PIK3CB: variants seen among roughly 807,000 people sequenced by gnomAD.
PIK3CB encodes phosphatidylinositol 4,5-bisphosphate 3-kinase catalytic subunit beta isoform.
In PIK3CB, 39 loss-of-function variants were observed where a neutral mutation model predicts 136.8. The ratio of observed to expected loss-of-function variants is 0.29; its 90% CI spans 0.22 to 0.37. The LOEUF is 0.37. PIK3CB is among the 10% of genes least tolerant of loss of function. The pLI is 1.00. For synonymous variants in PIK3CB, 428 were observed against 436.6 expected (o/e 0.98, Z 0.25); for missense variants, 868 against 1,275.4 (o/e 0.68, Z 4.87).
chr3:138,683,057 C>G (rs1249689705), intron 18 of PIK3CB, among the ~76,000 whole-genome samples: 2 of 152,026 alleles, frequency 1.3e-5, no homozygotes, highest in East Asian at 1.9e-4. Context: ...GAATATATTA[C>G]TGAAAATATC....
At chr3:138,667,444 G>C (rs548442680) in intron 19 of PIK3CB, among the ~76,000 whole-genome samples, 2 of 151,950 alleles carry the variant, frequency 1.3e-5, no homozygotes, top group African/African-American at 2.4e-5. Flanking sequence ...TGGGGAGGAG[G>C]GAGTATATGA....
intron 2 of PIK3CB, among the ~76,000 whole-genome samples, chr3:138,759,896 A>G (rs1345081999): frequency 6.6e-6 from 1 of 152,050 alleles, no homozygotes; most frequent in East Asian, 1.9e-4. Context: ...ACAATTTGCA[A>G]TCAAGAGGGC....
At chr3:138,673,749 C>T (rs534593437) in intron 19 of PIK3CB, among the ~76,000 whole-genome samples, 44 of 152,194 alleles carry the variant, frequency 2.9e-4, no homozygotes, top group African/African-American at 9.6e-4. Flanking sequence ...TTTGTTTTAC[C>T]ATGGCCTAGT....
At chr3:138,830,230 C>G (rs1933962464) in intron 1 of PIK3CB, among the ~76,000 whole-genome samples, 1 of 152,092 alleles carries the variant, frequency 6.6e-6, no homozygotes, top group African/African-American at 2.4e-5. Flanking sequence ...CACCCCCTGC[C>G]CACCACGGTA....
intron 19 of PIK3CB, among the ~76,000 whole-genome samples, chr3:138,674,094 C>A (rs895314802): frequency 6.6e-6 from 1 of 151,478 alleles, no homozygotes; most frequent in Non-Finnish European, 1.5e-5. Context: ...TAACTGAAAG[C>A]TTAAAAGGAA....
chr3:138,788,406 C>T (rs1282434449), intron 2 of PIK3CB, among the ~76,000 whole-genome samples: 1 of 151,974 alleles, frequency 6.6e-6, no homozygotes, highest in East Asian at 1.9e-4. Context: ...CCTGTAATCC[C>T]AGCACTTTGG....
chr3:138,761,014 G>A (rs2045655888), intron 2 of PIK3CB, among the ~76,000 whole-genome samples: 2 of 152,166 alleles, frequency 1.3e-5, no homozygotes, highest in African/African-American at 4.8e-5. Flanking sequence ...TGAACTAACA[G>A]ATCTAGGCAA....
chr3:138,688,739 G>A (rs2043947505), intron 16 of PIK3CB, 136 bp downstream of exon 16: 5 of 564,574 alleles, frequency 8.9e-6, no homozygotes, highest in African/African-American at 5.6e-5. Context: ...TAATGTGGTG[G>A]GAGAAATGGC....
intron 9 of PIK3CB, 132 bp from the exon 10 acceptor site, chr3:138,712,436 A>C (rs1169721555): frequency 2.2e-6 from 1 of 448,352 alleles, no homozygotes; most frequent in African/African-American, 2.0e-5. Flanking sequence ...TTCTAAAATG[A>C]GAACAAGATA....
At chr3:138,674,176 G>A (rs534429818) in intron 19 of PIK3CB, among the ~76,000 whole-genome samples, 3 of 151,964 alleles carry the variant, frequency 2.0e-5, no homozygotes, top group South Asian at 4.2e-4. Context: ...CTAGAAGGCC[G>A]TGTGCATGGA....
At chr3:138,743,197 G>A (rs1463159443) in intron 4 of PIK3CB, among the ~76,000 whole-genome samples, 1 of 152,082 alleles carries the variant, frequency 6.6e-6, no homozygotes, top group Non-Finnish European at 1.5e-5. Context: ...TATATTAGAA[G>A]AAAACTAAGA....
intron 2 of PIK3CB, among the ~76,000 whole-genome samples, chr3:138,763,808 A>G (rs1036385256): frequency 6.6e-6 from 1 of 152,188 alleles, no homozygotes; most frequent in African/African-American, 2.4e-5. Context: ...GCATTAAGGT[A>G]GATACAAAAA....
At chr3:138,812,445 C>A in intron 1 of PIK3CB, among the ~76,000 whole-genome samples, 1 of 151,718 alleles carries the variant, frequency 6.6e-6, no homozygotes. Context: ...CCACATTGGT[C>A]AAACTGGTCT....
In PIK3CB at chr3:138,653,948, C is replaced by G. The variant is rs1327035713; in HGVS notation, c.*1441G>C. 1.0e-5 allele frequency: 2 copies of G among 199,060 alleles called. No individual in the cohort carries two copies. Among genetic ancestry groups the G allele is most frequent in the African/African-American group, 4.6e-5 (2 of 43,358 alleles). 12.3% of individuals were successfully genotyped at this position (199,060 alleles called of 1,614,324 possible). A position where few individuals can be genotyped will look rare whatever the true frequency, so the allele number is the denominator to read the frequency against. Reference sequence around the variant, plus strand: ...TTCCTGAGGTTGGTTTGTCTACTGACTTGGCCATTTCTTGGAGTTCCAGTG... The same window carrying G: ...TTCCTGAGGTTGGTTTGTCTACTGAGTTGGCCATTTCTTGGAGTTCCAGTG... On this transcript the variant is annotated 3_prime_UTR_variant, in exon 24 of 24. Coordinates refer to ENST00000674063, the MANE Select transcript of PIK3CB (RefSeq NM_006219.3).
chr3:138,749,168 C>T (rs1028086051), intron 4 of PIK3CB, among the ~76,000 whole-genome samples: 5 of 152,156 alleles, frequency 3.3e-5, no homozygotes, highest in Admixed American at 6.6e-5. Context: ...ATTCTATTCA[C>T]AGGCAATAGG....
At position 138,663,147 on chromosome 3, in the gene PIK3CB, C is replaced by T. The variant is rs898960770; in HGVS notation, c.2796+759G>A. Among the ~76,000 whole-genome samples the T allele has an allele frequency of 2.2e-4, 33 of 152,046 alleles. 2 individuals carry two copies. Among genetic ancestry groups the T allele is most frequent in the South Asian group, 4.1e-4 (2 of 4,824 alleles). On this transcript the variant is annotated intron_variant, in intron 21 of 23. Coordinates refer to ENST00000674063, the MANE Select transcript of PIK3CB (RefSeq NM_006219.3). ...AACCTACAAAATGGGAGAAAATTTT[C>T]GCAACCTACTCATCTGACAAATGGC...
chr3:138,821,497 T>C (rs146313690), intron 1 of PIK3CB, among the ~76,000 whole-genome samples: 1 of 151,106 alleles, frequency 6.6e-6, no homozygotes, highest in African/African-American at 2.4e-5. Context: ...AGAAAAAATA[T>C]TAATAGCCTG....
chr3:138,677,287 G>T (rs1035465801), intron 19 of PIK3CB, among the ~76,000 whole-genome samples: 1 of 152,080 alleles, frequency 6.6e-6, no homozygotes, highest in East Asian at 1.9e-4. Context: ...TTGAACTACT[G>T]ATCTCAGGTG....
At chr3:138,806,080 C>A (rs1196285686) in intron 1 of PIK3CB, among the ~76,000 whole-genome samples, 2 of 152,068 alleles carry the variant, frequency 1.3e-5, no homozygotes, top group Non-Finnish European at 2.9e-5. Flanking sequence ...ATCAGAACTT[C>A]CTTAATTAGA....
Sources: allele counts gnomAD v4.1 joint callset (sites outside exome capture counted in the v4.1 genomes callset), GRCh38; gene constraint gnomAD v4.1.1; transcripts MANE v1.5; gene names NCBI Gene and HGNC (gene_info 2026-07-23, HGNC 2026-07-21).